PRKCA: variants seen among roughly 807,000 people sequenced by gnomAD.
The protein encoded by PRKCA is protein kinase C alpha type.
Under a neutral mutation model 87.0 loss-of-function variants are expected in PRKCA, and 27 were observed. That is an observed-to-expected ratio of 0.31 (90% CI 0.23 to 0.43). The LOEUF (loss-of-function observed/expected upper bound fraction) is 0.43. Ranked by LOEUF, PRKCA falls within the 20% of genes least tolerant of loss-of-function variation. PRKCA has a pLI of 1.00. For synonymous variants in PRKCA, 329 were observed against 311.1 expected (o/e 1.06, Z -0.61); for missense variants, 518 against 852.3 (o/e 0.61, Z 4.88).
chr17:66,554,214 C>G (rs1450268870), intron 3 of PRKCA, among the ~76,000 whole-genome samples: 1 of 146,388 alleles, frequency 6.8e-6, no homozygotes, highest in Non-Finnish European at 1.5e-5. Flanking sequence ...CCAGCTTGGG[C>G]AACATCGTGT....
chr17:66,417,769 A>G (rs1045465288), intron 2 of PRKCA, among the ~76,000 whole-genome samples: 3 of 152,134 alleles, frequency 2.0e-5, no homozygotes, highest in Non-Finnish European at 4.4e-5. Flanking sequence ...TGATAGAGAT[A>G]GTTATTCCTC....
In PRKCA at chr17:66,742,766, AAC is replaced by A. The variant is rs750778480; in HGVS notation, c.1524+7_1524+8del. The stretch of plus-strand genomic sequence containing the variant: ...CAGATTATATCGCCCCAGAGGTAGG[AAC>A]CCCAGTGATCGTTTTCTCAACCAGG... On this transcript the variant is annotated splice_region_variant and intron_variant, in intron 13 of 16. Coordinates refer to ENST00000413366, the MANE Select transcript of PRKCA (RefSeq NM_002737.3). 2 of 1,612,904 alleles carry A rather than the reference AAC, an allele frequency of 1.2e-6. No individual in the cohort carries two copies. Among genetic ancestry groups the A allele is most frequent in the Non-Finnish European group, 1.7e-6 (2 of 1,179,782 alleles).
At chr17:66,672,325 A>G (rs976227058) in intron 5 of PRKCA, among the ~76,000 whole-genome samples, 1 of 152,212 alleles carries the variant, frequency 6.6e-6, no homozygotes, top group Non-Finnish European at 1.5e-5. Flanking sequence ...GCAGAAATAA[A>G]TACAAATGGG....
intron 3 of PRKCA, among the ~76,000 whole-genome samples, chr17:66,613,779 C>CTTTTTTTTT (rs57610655): frequency 4.3e-5 from 3 of 69,416 alleles, no homozygotes; most frequent in Admixed American, 2.6e-4. Flanking sequence ...TGACTTCATC[C>CTTTTTTTTT]TTTTTTTTTT....
chr17:66,395,452 A>G (rs1263962105), intron 2 of PRKCA, among the ~76,000 whole-genome samples: 1 of 152,144 alleles, frequency 6.6e-6, no homozygotes, highest in African/African-American at 2.4e-5. Context: ...TCTGGTGTGT[A>G]TTTTATACTT....
chr17:66,575,140 T>C (rs1338301903), intron 3 of PRKCA, among the ~76,000 whole-genome samples: 3 of 152,240 alleles, frequency 2.0e-5, no homozygotes, highest in Admixed American at 6.5e-5. Context: ...AGTTTATCTA[T>C]AACCGATGGC....
chr17:66,681,008 C>T (rs1358700096), intron 5 of PRKCA, among the ~76,000 whole-genome samples: 1 of 152,186 alleles, frequency 6.6e-6, no homozygotes, highest in African/African-American at 2.4e-5. Context: ...GTGGGTGGAT[C>T]ACTTGAGGTC....
chr17:66,437,731 T>TTTTTTTTTTAG (rs55779501), intron 2 of PRKCA, among the ~76,000 whole-genome samples: 16 of 11,140 alleles, frequency 1.4e-3, no homozygotes, highest in Non-Finnish European at 2.5e-3. Flanking sequence ...TTTTTTTTTT[T>TTTTTTTTTTAG]GAGCGGGGGG....
At chr17:66,759,390 G>A (rs1232867457) in intron 13 of PRKCA, among the ~76,000 whole-genome samples, 2 of 151,778 alleles carry the variant, frequency 1.3e-5, no homozygotes, top group Admixed American at 6.6e-5. Context: ...TGGTTTCGTT[G>A]TAAATATATA....
At chr17:66,343,878 G>T (rs889193680) in intron 2 of PRKCA, among the ~76,000 whole-genome samples, 2 of 151,988 alleles carry the variant, frequency 1.3e-5, no homozygotes, top group South Asian at 2.1e-4. Flanking sequence ...GTGACCTTGG[G>T]CTTCATTTTA....
At chr17:66,343,738 A>AG (rs1416824413) in intron 2 of PRKCA, among the ~76,000 whole-genome samples, 6 of 152,202 alleles carry the variant, frequency 3.9e-5, no homozygotes, top group African/African-American at 1.4e-4. Flanking sequence ...GGGAGTATCC[A>AG]GGGTGACTTG....
chr17:66,674,705 A>G (rs750973693), intron 5 of PRKCA, among the ~76,000 whole-genome samples: 11 of 152,186 alleles, frequency 7.2e-5, no homozygotes, highest in Non-Finnish European at 1.3e-4. Context: ...ACCAAGTGCC[A>G]CTCAAGCTGT....
chr17:66,609,966 C>T (rs1467870740), intron 3 of PRKCA, among the ~76,000 whole-genome samples: 3 of 151,884 alleles, frequency 2.0e-5, no homozygotes, highest in Admixed American at 6.6e-5. Flanking sequence ...AACCGGGTGT[C>T]CTATAGTTCA....
Position 66,539,990 on chromosome 17 carries a change from C to T in PRKCA, c.288+43707C>T, listed in dbSNP as rs1020764859. ...AACCCGAGGGATTTGAAAATAATTT[C>T]GAAAATCAATTTAAACATGTAGGCC... On this transcript the variant is annotated intron_variant, in intron 3 of 16. Coordinates refer to ENST00000413366, the MANE Select transcript of PRKCA (RefSeq NM_002737.3). 9.9e-5 allele frequency among the ~76,000 whole-genome samples: 15 copies of T among 152,136 alleles called. No individual in the cohort carries two copies. In the East Asian group the frequency reaches 2.1e-3, roughly 21 times the overall value.
intron 5 of PRKCA, among the ~76,000 whole-genome samples, chr17:66,665,773 G>A (rs1972028543): frequency 1.3e-5 from 2 of 152,262 alleles, no homozygotes; most frequent in East Asian, 1.9e-4. Context: ...CTAGCCTTGC[G>A]GTATGTTAGA....
intron 3 of PRKCA, among the ~76,000 whole-genome samples, chr17:66,524,295 A>G (rs536787297): frequency 6.6e-6 from 1 of 152,308 alleles, no homozygotes; most frequent in South Asian, 2.1e-4. Context: ...TGCGATTCAG[A>G]TTCCTTTAAA....
In PRKCA at chr17:66,776,308, T is replaced by C. The variant is rs117984976; in HGVS notation, c.1605+2241T>C. Among the ~76,000 whole-genome samples, 71 of 152,098 alleles carry C rather than the reference T, an allele frequency of 4.7e-4. No homozygotes were observed. The East Asian group carries it at 0.013, about 27-fold the overall frequency. On this transcript the variant is annotated intron_variant, in intron 14 of 16. Transcript: ENST00000413366. ...GTGAGAGCCTAAGACAAGCTGTTTC[T>C]GTTTTGTTTTGTTTTGTTTTTGAGA...
chr17:66,529,771 T>G (rs35974774), intron 3 of PRKCA, among the ~76,000 whole-genome samples: 9,620 of 152,282 alleles, frequency 0.063, 381 homozygotes, highest in South Asian at 0.11. Flanking sequence ...GTCCTCGTGC[T>G]AAGTCCCTGA....
intron 2 of PRKCA, among the ~76,000 whole-genome samples, chr17:66,462,731 C>G (rs1914907228): frequency 6.6e-6 from 1 of 152,164 alleles, no homozygotes; most frequent in Admixed American, 6.5e-5. Context: ...CCCCTACCTC[C>G]CACCTATGGT....
Sources: gnomAD v4.1 joint callset for allele counts (sites outside exome capture counted in the v4.1 genomes callset) on GRCh38, gnomAD v4.1.1 for gene constraint, MANE v1.5 for transcripts, NCBI Gene and HGNC (gene_info 2026-07-23, HGNC 2026-07-21) for gene names.